The following AAGAB variants were observed in gnomAD, a reference collection of about 807,000 sequenced individuals.
AAGAB encodes alpha and gamma adaptin binding protein.
A neutral mutation model predicts 44.1 loss-of-function variants in AAGAB; 38 were observed. The ratio of observed to expected loss-of-function variants is 0.86; its 90% CI spans 0.67 to 1.13. The LOEUF (loss-of-function observed/expected upper bound fraction) is 1.13, where lower values mean the gene tolerates loss of function less well. Ranked by LOEUF, AAGAB falls within the 50% of genes most tolerant of loss-of-function variation. The probability of loss-of-function intolerance (pLI) is 0.00; values close to 1 mark genes in which losing one functional copy is unlikely to be tolerated. For missense variants in AAGAB, 450 were observed against 373.8 expected, an observed-to-expected ratio of 1.20 and a Z score of -1.68; for synonymous variants, 131 against 131.8, an observed-to-expected ratio of 0.99 and a Z score of 0.04.
At chr15:67,244,292 G>A (rs1004137108) in intron 1 of AAGAB, among the ~76,000 whole-genome samples, 2 of 152,018 alleles carry the variant, frequency 1.3e-5, no homozygotes, top group Non-Finnish European at 2.9e-5. Flanking sequence ...ATCATTATTG[G>A]GCAACAGATG....
At chr15:67,219,843 G>A (rs1964029228) in intron 5 of AAGAB, among the ~76,000 whole-genome samples, 1 of 152,150 alleles carries the variant, frequency 6.6e-6, no homozygotes, top group Non-Finnish European at 1.5e-5. Context: ...TAATATAGAA[G>A]TTATATCTAT....
chr15:67,209,753 A>G (rs946172817), intron 5 of AAGAB, among the ~76,000 whole-genome samples: 4 of 152,190 alleles, frequency 2.6e-5, no homozygotes, highest in Admixed American at 2.6e-4. Flanking sequence ...CCTGGGCTCA[A>G]GTGATCCTCC....
intron 1 of AAGAB, among the ~76,000 whole-genome samples, chr15:67,244,033 G>A (rs1417702211): frequency 6.6e-6 from 1 of 151,992 alleles, no homozygotes; most frequent in Non-Finnish European, 1.5e-5. Flanking sequence ...AAACAAATTA[G>A]CATGAAGTAA....
intron 5 of AAGAB, among the ~76,000 whole-genome samples, chr15:67,224,281 G>A (rs1347781274): frequency 2.0e-5 from 3 of 152,152 alleles, no homozygotes; most frequent in African/African-American, 7.2e-5. Flanking sequence ...CCTAAATTAT[G>A]GACTAGAGAG....
intron 1 of AAGAB, among the ~76,000 whole-genome samples, chr15:67,238,136 T>C (rs1179711155): frequency 6.6e-6 from 1 of 152,196 alleles, no homozygotes. Flanking sequence ...TTAAAATAAA[T>C]TTAAGGTTTT....
At chr15:67,255,070 G>C, upstream of AAGAB, 3 of 963,544 alleles carry the variant, frequency 3.1e-6, no homozygotes, top group Non-Finnish European at 4.9e-6. Context: ...CCTCCAACTC[G>C]CGAGAGGCTC....
At chr15:67,250,785 G>A (rs1422491037) in intron 1 of AAGAB, among the ~76,000 whole-genome samples, 1 of 152,112 alleles carries the variant, frequency 6.6e-6, no homozygotes, top group African/African-American at 2.4e-5. Context: ...CCAGCACTTT[G>A]GGAGGCTGAG....
intron 1 of AAGAB, among the ~76,000 whole-genome samples, chr15:67,247,314 A>G (rs964155242): frequency 6.6e-6 from 1 of 152,248 alleles, no homozygotes; most frequent in Admixed American, 6.5e-5. Flanking sequence ...AAATGATTTT[A>G]TATCAGATTG....
intron 4 of AAGAB, among the ~76,000 whole-genome samples, chr15:67,235,469 A>T (rs572333493): frequency 2.4e-4 from 36 of 152,218 alleles, no homozygotes; most frequent in Non-Finnish European, 4.3e-4. Flanking sequence ...TAGAAGGTCC[A>T]GCAATAGCGG....
intron 1 of AAGAB, 27 bp downstream of exon 1, chr15:67,254,532 G>C (rs1212760669): frequency 6.3e-6 from 10 of 1,586,022 alleles, no homozygotes; most frequent in Non-Finnish European, 8.6e-6. Flanking sequence ...GGGCCTTGGA[G>C]GTCGGCCCAG....
chr15:67,252,213 T>C (rs992712609), intron 1 of AAGAB, among the ~76,000 whole-genome samples: 22 of 152,354 alleles, frequency 1.4e-4, no homozygotes, highest in South Asian at 8.3e-4. Context: ...TGTTTGCCGA[T>C]TGGGATCATT....
chr15:67,244,484 G>T (rs1964674252), intron 1 of AAGAB, among the ~76,000 whole-genome samples: 1 of 152,052 alleles, frequency 6.6e-6, no homozygotes, highest in Admixed American at 6.6e-5. Flanking sequence ...TCATTAATAA[G>T]AAGACCAGAA....
At chr15:67,244,629 CCT>C (rs1427769806) in intron 1 of AAGAB, among the ~76,000 whole-genome samples, 3 of 151,786 alleles carry the variant, frequency 2.0e-5, no homozygotes, top group African/African-American at 7.3e-5. Context: ...ATGGTGAAAC[CCT>C]GTCTCTACCA....
chr15:67,211,424 C>A (rs886552534), intron 5 of AAGAB, among the ~76,000 whole-genome samples: 1 of 152,028 alleles, frequency 6.6e-6, no homozygotes, highest in African/African-American at 2.4e-5. Context: ...CTCAGAGGCC[C>A]GAGAGAAGCA....
Position 67,254,578 on chromosome 15 carries a change from T to G in AAGAB, c.54A>C (p.Ser18=), listed in dbSNP as rs1965025968. The G allele has an allele frequency of 6.2e-7, 1 of 1,609,856 alleles. No homozygotes were observed. Among genetic ancestry groups the G allele is most frequent in the Non-Finnish European group, 8.5e-7 (1 of 1,178,960 alleles). ...ACTCACGTTGGACCAGCTGGTCTCC[T>G]GAGAAGACGGAGGAGCAGCTGGTGA... ...ALVTSCSSVF[S]GDQLVQHILG... Residue 18 remains serine (S), a synonymous_variant, in exon 1 of 10, where the codon TCA becomes TCC. Coordinates refer to ENST00000261880, the MANE Select transcript of AAGAB (RefSeq NM_024666.5).
intron 1 of AAGAB, among the ~76,000 whole-genome samples, chr15:67,243,193 A>T (rs530969780): frequency 3.3e-5 from 5 of 152,182 alleles, no homozygotes; most frequent in Non-Finnish European, 7.4e-5. Flanking sequence ...CTTTTAGAAG[A>T]CCTTACAATG....
At position 67,200,956 on chromosome 15, in the gene AAGAB, G is replaced by A. The variant is rs796392666; in HGVS notation, c.*1865C>T. Reference sequence around the variant, plus strand: ...CACTATATATGTCTAATCCAATGAAGGATATAGGGCTTCCCTCACTCATAC... The same window carrying A: ...CACTATATATGTCTAATCCAATGAAAGATATAGGGCTTCCCTCACTCATAC... On this transcript the variant is annotated 3_prime_UTR_variant, in exon 10 of 10. Transcript: ENST00000261880. 6.6e-6 allele frequency: 1 copy of A among 152,260 alleles called. No individual in the cohort carries two copies. The highest frequency in any genetic ancestry group is 2.4e-5 in the African/African-American group (1 of 41,400). 9.4% of individuals were successfully genotyped at this position (152,260 alleles called of 1,614,324 possible).
At chr15:67,250,900 G>A (rs1288199514) in intron 1 of AAGAB, among the ~76,000 whole-genome samples, 3 of 152,146 alleles carry the variant, frequency 2.0e-5, no homozygotes, top group South Asian at 4.1e-4. Flanking sequence ...GGTGGTGGGC[G>A]CCTGTAGTCC....
At chr15:67,213,700 T>A (rs1340068031) in intron 5 of AAGAB, among the ~76,000 whole-genome samples, 2 of 152,230 alleles carry the variant, frequency 1.3e-5, no homozygotes, top group East Asian at 3.8e-4. Context: ...CTATGCCTTC[T>A]CTGTACCTCA....
Sources: gnomAD v4.1 joint callset for allele counts (sites outside exome capture counted in the v4.1 genomes callset) on GRCh38, gnomAD v4.1.1 for gene constraint, MANE v1.5 for transcripts, NCBI Gene and HGNC (gene_info 2026-07-23, HGNC 2026-07-21) for gene names.